Variants in NPR2 observed in about 807,000 individuals in gnomAD.
NPR2 encodes the protein atrial natriuretic peptide receptor 2.
NPR2 carries 49 observed loss-of-function variants against 120.7 expected under a neutral mutation model. That is an observed-to-expected ratio of 0.41 (90% CI 0.32 to 0.52). The LOEUF is 0.52. Among genes scored for constraint, NPR2 ranks in the 20% least tolerant of loss-of-function variants. NPR2 has a pLI of 0.36. For synonymous variants in NPR2, 484 were observed against 519.8 expected, an observed-to-expected ratio of 0.93 and a Z score of 0.94; for missense variants, 931 against 1,362.9, an observed-to-expected ratio of 0.68 and a Z score of 4.99.
rs1450422578 is a variant in NPR2 at position 35,806,631 on chromosome 9, C to A, written c.2519+93C>A. Reference sequence around the variant, plus strand: ...GCACCTGAGAACTCGCCTCCCCACCCTCAGAACCCTGCTGGCCACAGGGAG... The same window carrying A: ...GCACCTGAGAACTCGCCTCCCCACCATCAGAACCCTGCTGGCCACAGGGAG... On this transcript the variant is annotated intron_variant, in intron 16 of 21. Transcript: ENST00000342694. The surrounding 1 kb of genome is among the most constrained non-coding windows in gnomAD (Gnocchi z 4.6). 1.4e-6 allele frequency: 2 copies of A among 1,384,320 alleles called. No individual in the cohort carries two copies. The highest frequency in any genetic ancestry group is 2.1e-6 in the Non-Finnish European group (2 of 974,072). The allele number at this position is 1,384,320 out of a possible 1,614,324, so 85.8% of individuals were successfully genotyped here.
At position 35,793,067 on chromosome 9, in the gene NPR2, A is replaced by G. The variant is rs1827837865; in HGVS notation, c.659A>G (p.Asn220Ser). 3.8e-6 allele frequency: 6 copies of G among 1,596,334 alleles called. No individual in the cohort carries two copies. The highest frequency in any genetic ancestry group is 5.1e-6 in the Non-Finnish European group (6 of 1,173,336). ...CAGGCCACCCACTTCATCCGGGCCAACGGGCGCAGTGAGTGTGGCCTGGGC... is the reference window on the plus strand; with the variant it reads ...CAGGCCACCCACTTCATCCGGGCCAGCGGGCGCAGTGAGTGTGGCCTGGGC... ...PEQATHFIRA[N>S]GRIVYICGPL... The change falls in exon 1 of 22, where the codon AAC becomes AGC. Residue 220 changes from asparagine (N) to serine (S), a missense_variant. Coordinates refer to ENST00000342694, the MANE Select transcript of NPR2 (RefSeq NM_003995.4).
rs570407746 is a variant in NPR2 at position 35,799,790 on chromosome 9, C to A, written c.987+59C>A. The A allele has an allele frequency of 4.8e-6, 7 of 1,473,490 alleles. No homozygotes were observed. The South Asian group carries it at 6.8e-5, about 14-fold the overall frequency. The allele number at this position is 1,473,490 out of a possible 1,614,324, so 91.3% of individuals were successfully genotyped here. ...CAAGCTTTGGGGAAGGGCTTCTCTC[C>A]CAAACTCAGCATCAAGTCTTGGCTG... On this transcript the variant is annotated intron_variant, in intron 3 of 21. Transcript: ENST00000342694.
rs1828366931 is a variant in NPR2, at chr9:35,806,094, C to A, written c.2233C>A (p.Arg745=). ...EIVQKVRNGQ[R]PYFRPSIDRT... ...TGTCCAGAAGGTACGAAATGGTCAGCGGCCATATTTCCGGCCAAGCATTGA... is the reference window on the plus strand; with the variant it reads ...TGTCCAGAAGGTACGAAATGGTCAGAGGCCATATTTCCGGCCAAGCATTGA... The change falls in exon 15 of 22, where the codon CGG becomes AGG. Residue 745 remains arginine, a synonymous_variant. Coordinates refer to ENST00000342694, the MANE Select transcript of NPR2 (RefSeq NM_003995.4). This position sits in a 1 kb window ranked among gnomAD's most constrained non-coding sequence, Gnocchi z 4.6. The A allele has an allele frequency of 1.2e-6, 2 of 1,614,126 alleles. No individual in the cohort carries two copies. The highest frequency in any genetic ancestry group is 1.7e-6 in the Non-Finnish European group (2 of 1,180,028).
chr9:35,797,671 TA>T (rs1827984887), intron 2 of NPR2, among the ~76,000 whole-genome samples: 1 of 152,022 alleles, frequency 6.6e-6, no homozygotes, highest in Non-Finnish European at 1.5e-5. Flanking sequence ...GGGACACAAT[TA>T]TCCTCCTTCA....
chr9:35,792,882 G>A lies in NPR2; in HGVS notation c.474G>A (p.Gly158=). 6.2e-7 allele frequency: 1 copy of A among 1,614,130 alleles called. No individual in the cohort carries two copies. Among genetic ancestry groups the A allele is most frequent in the Non-Finnish European group, 8.5e-7 (1 of 1,180,038 alleles). The stretch of plus-strand genomic sequence containing the variant: ...GTGAGTTTGTGGTGACACTACACGG[G>A]CACTTCAATTGGACTGCCCGTGCTG... ...KLGEFVVTLH[G]HFNWTARAAL... The change falls in exon 1 of 22, where the codon GGG becomes GGA. Residue 158 remains glycine (G), a synonymous_variant. Transcript: ENST00000342694.
Position 35,797,953 on chromosome 9 carries a change from C to T in NPR2, c.874-1665C>T, listed in dbSNP as rs373640021. On this transcript the variant is annotated intron_variant, in intron 2 of 21. Coordinates refer to ENST00000342694, the MANE Select transcript of NPR2 (RefSeq NM_003995.4). The stretch of plus-strand genomic sequence containing the variant: ...TGGCATGATGATGTCATCACTTGGA[C>T]AGCTATGGAAGGTGTGCTTGTGTGT... Among the ~76,000 whole-genome samples, 9 of 151,950 alleles carry T rather than the reference C, an allele frequency of 5.9e-5. No homozygotes were observed. In the East Asian group the frequency reaches 1.4e-3, roughly 23 times the overall value.
In NPR2 at chr9:35,805,732, G is replaced by A; in HGVS notation, c.2047+62G>A. ...TCCTCTTTCCACCTAGGGATGGTGG[G>A]AGAGGGAGGTGGAGTGACAGTAATA... On this transcript the variant is annotated intron_variant, in intron 13 of 21. Transcript: ENST00000342694. This position sits in a 1 kb window ranked among gnomAD's most constrained non-coding sequence, Gnocchi z 4.9. 2 of 1,607,598 alleles carry A rather than the reference G, an allele frequency of 1.2e-6. No individual in the cohort carries two copies. The highest frequency in any genetic ancestry group is 1.7e-6 in the Non-Finnish European group (2 of 1,174,602).
At position 35,805,360 on chromosome 9, in the gene NPR2, G is replaced by A; in HGVS notation, c.1888-151G>A. 6 of 771,242 alleles carry A rather than the reference G, an allele frequency of 7.8e-6. No homozygotes were observed. The highest frequency in any genetic ancestry group is 4.4e-5 in the South Asian group (3 of 68,354). 47.8% of individuals were successfully genotyped at this position (771,242 alleles called of 1,614,324 possible). A position where few individuals can be genotyped will look rare whatever the true frequency, so the allele number is the denominator to read the frequency against. On this transcript the variant is annotated intron_variant, in intron 12 of 21. Coordinates refer to ENST00000342694, the MANE Select transcript of NPR2 (RefSeq NM_003995.4). This position sits in a 1 kb window ranked among gnomAD's most constrained non-coding sequence, Gnocchi z 4.9. ...ACTCTTCTGTTCTTCCTGCTTCCTT[G>A]GGTGGAAACTGCAAAGGATGCCTTC...
In NPR2 at chr9:35,808,577, A is replaced by C. The variant is rs766979463; in HGVS notation, c.2781A>C (p.Ala927=). The C allele has an allele frequency of 6.2e-7, 1 of 1,614,106 alleles. No individual in the cohort carries two copies. Among genetic ancestry groups the C allele is most frequent in the Non-Finnish European group, 8.5e-7 (1 of 1,180,016 alleles). ...GLPGRNGQRH[A]PEIARMALAL... ...CAGGCCGAAATGGTCAACGCCATGC[A>C]CCAGAAATTGCTCGTATGGCCCTAG... Residue 927 remains alanine (A), a synonymous_variant, in exon 19 of 22, where the codon GCA becomes GCC. Transcript: ENST00000342694. The surrounding 1 kb of genome is among the most constrained non-coding windows in gnomAD (Gnocchi z 4.0).
rs587777596 is a variant in NPR2, at chr9:35,805,586, C to T, written c.1963C>T (p.Arg655Cys). ...GTCCTCCAACTGTGTGGTGGATAGT[C>T]GTTTTGTGCTCAAAATCACAGACTA... Reference protein sequence around the residue: ...LKSSNCVVDSRFVLKITDYGL... With the variant: ...LKSSNCVVDSCFVLKITDYGL... The change falls in exon 13 of 22, where the codon CGT (arginine) becomes TGT (cysteine). Residue 655 changes from arginine (R) to cysteine (C), a missense_variant. Physicochemically the swap from Arg to Cys is radical, Grantham distance 180. Transcript: ENST00000342694. The surrounding 1 kb of genome is among the most constrained non-coding windows in gnomAD (Gnocchi z 4.9). 6.2e-7 allele frequency: 1 copy of T among 1,614,142 alleles called. No individual in the cohort carries two copies. Among genetic ancestry groups the T allele is most frequent in the Admixed American group, 1.7e-5 (1 of 60,030 alleles).
At position 35,792,180 on chromosome 9, in the gene NPR2, T is replaced by C; in HGVS notation, c.-229T>C. 3.0e-6 allele frequency: 1 copy of C among 336,820 alleles called. No individual in the cohort carries two copies. Among genetic ancestry groups the C allele is most frequent in the East Asian group, 6.6e-5 (1 of 15,088 alleles). The allele number at this position is 336,820 out of a possible 1,614,324, so 20.9% of individuals were successfully genotyped here. ...CCCCCTGCCACCCCGTTCTCAGTCC[T>C]CAGTCCTTGCCCTAGGCTGGTAGCC... is the stretch of plus-strand genomic sequence containing the variant. On this transcript the variant is annotated 5_prime_UTR_variant, in exon 1 of 22. Transcript: ENST00000342694.
At position 35,800,656 on chromosome 9, in the gene NPR2, G is replaced by C. The variant is rs953037009; in HGVS notation, c.1219-53G>C. 4 of 1,613,656 alleles carry C rather than the reference G, an allele frequency of 2.5e-6. No individual in the cohort carries two copies. Among genetic ancestry groups the C allele is most frequent in the Admixed American group, 1.7e-5 (1 of 60,004 alleles). On this transcript the variant is annotated intron_variant, in intron 5 of 21. Coordinates refer to ENST00000342694, the MANE Select transcript of NPR2 (RefSeq NM_003995.4). This position sits in a 1 kb window ranked among gnomAD's most constrained non-coding sequence, Gnocchi z 4.7. Reference sequence around the variant, plus strand: ...AAGCAGCGAAACAGCTGGGGTCTGGGGAGGAGGCTGGTGGGAGCAGGCCTG... The same window carrying C: ...AAGCAGCGAAACAGCTGGGGTCTGGCGAGGAGGCTGGTGGGAGCAGGCCTG...
intron 2 of NPR2, among the ~76,000 whole-genome samples, chr9:35,794,852 G>GTGTT (rs1827900948): frequency 1.3e-5 from 2 of 151,948 alleles, no homozygotes; most frequent in South Asian, 2.1e-4. Context: ...GTGTGTGTGT[G>GTGTT]TGTGGAGATA....
intron 12 of NPR2, among the ~76,000 whole-genome samples, chr9:35,803,297 G>A (rs971262257): frequency 1.0e-5 from 1 of 98,012 alleles, no homozygotes; most frequent in Non-Finnish European, 2.0e-5. Context: ...GTAGAGACGG[G>A]GTTTCACCGT....
rs1311623440 is a variant in NPR2 at position 35,801,457 on chromosome 9, G to C, written c.1437-186G>C. ...GAAAGAACTTTCACCCCCAGTCTCT[G>C]TGTTTGTTAGTGAGCATAGGGCATG... On this transcript the variant is annotated intron_variant, in intron 7 of 21. Coordinates refer to ENST00000342694, the MANE Select transcript of NPR2 (RefSeq NM_003995.4). Among the ~76,000 whole-genome samples, 4 of 152,218 alleles carry C rather than the reference G, an allele frequency of 2.6e-5. No homozygotes were observed. In the East Asian group the frequency reaches 7.7e-4, roughly 29 times the overall value.
In NPR2 at chr9:35,805,787, G is replaced by A; in HGVS notation, c.2048-43G>A. 4 of 1,610,342 alleles carry A rather than the reference G, an allele frequency of 2.5e-6. No individual in the cohort carries two copies. Among genetic ancestry groups the A allele is most frequent in the Non-Finnish European group, 3.4e-6 (4 of 1,177,172 alleles). ...GATGAGCCCAGGTGGGCTTGGGGGT[G>A]CCCCATTTCGGGGGACCTGGCCAGC... On this transcript the variant is annotated intron_variant, in intron 13 of 21. Coordinates refer to ENST00000342694, the MANE Select transcript of NPR2 (RefSeq NM_003995.4). The surrounding 1 kb of genome is among the most constrained non-coding windows in gnomAD (Gnocchi z 4.9).
chr9:35,808,990 A>G lies in NPR2; in HGVS notation c.2986+137A>G. 1.1e-6 allele frequency: 1 copy of G among 926,842 alleles called. No individual in the cohort carries two copies. Among genetic ancestry groups the G allele is most frequent in the African/African-American group, 1.6e-5 (1 of 61,760 alleles). 57.4% of individuals were successfully genotyped at this position (926,842 alleles called of 1,614,324 possible). A position where few individuals can be genotyped will look rare whatever the true frequency, so the allele number is the denominator to read the frequency against. On this transcript the variant is annotated intron_variant, in intron 20 of 21. Transcript: ENST00000342694. The surrounding 1 kb of genome is among the most constrained non-coding windows in gnomAD (Gnocchi z 4.0). ...CATCCTCGGGCATATTTTGGTTCTA[A>G]TAGATATGCATTGGGAGGTTGGGCA...
In NPR2 at chr9:35,792,371, C is replaced by G; in HGVS notation, c.-38C>G. ...GTCTCCCCTGTAGGCCAGAGCAGCC[C>G]CAAGTTCTGGGGGCGGTGGGGCTGC... On this transcript the variant is annotated 5_prime_UTR_variant, in exon 1 of 22. Coordinates refer to ENST00000342694, the MANE Select transcript of NPR2 (RefSeq NM_003995.4). 1 of 1,599,292 alleles carries G rather than the reference C, an allele frequency of 6.3e-7. No individual in the cohort carries two copies. The highest frequency in any genetic ancestry group is 1.1e-5 in the South Asian group (1 of 89,698).
rs1827839289 is a variant in NPR2, at chr9:35,793,094, AT to A, written c.667+23del. 6.3e-7 allele frequency: 1 copy of A among 1,574,958 alleles called. No individual in the cohort carries two copies. Among genetic ancestry groups the A allele is most frequent in the Non-Finnish European group, 8.6e-7 (1 of 1,165,182 alleles). ...GGGCGCAGTGAGTGTGGCCTGGGCT[AT>A]TTTAGGGTCATGGGAGGAGGGTCGC... On this transcript the variant is annotated intron_variant, in intron 1 of 21. Coordinates refer to ENST00000342694, the MANE Select transcript of NPR2 (RefSeq NM_003995.4).
Sources: allele counts gnomAD v4.1 joint callset (sites outside exome capture counted in the v4.1 genomes callset), GRCh38; gene constraint gnomAD v4.1.1; non-coding constraint Gnocchi (gnomAD v3.1); transcripts MANE v1.5; gene names NCBI Gene and HGNC (gene_info 2026-07-23, HGNC 2026-07-21).